CFAP43: variants seen among roughly 807,000 people sequenced by gnomAD.
The protein encoded by CFAP43 is cilia and flagella associated protein 43.
Under a neutral mutation model 218.9 loss-of-function variants are expected in CFAP43, and 155 were observed. That is an observed-to-expected ratio of 0.71 (90% CI 0.62 to 0.81). The LOEUF (loss-of-function observed/expected upper bound fraction) is 0.81. Among genes scored for constraint, CFAP43 ranks in the 30% least tolerant of loss-of-function variants. The pLI is 0.00. For synonymous variants in CFAP43, 645 were observed against 681.3 expected, an observed-to-expected ratio of 0.95 and a Z score of 0.83; for missense variants, 1,778 against 1,954.3, an observed-to-expected ratio of 0.91 and a Z score of 1.70.
In CFAP43 at chr10:104,185,162, A is replaced by G. The variant is rs750071554; in HGVS notation, c.2011-16T>C. ...CAAATGTTTCCTCAATAGTTAAGAA[A>G]TAAACCAGAAAAATTACAAATGCAA... On this transcript the variant is annotated splice_polypyrimidine_tract_variant and intron_variant, in intron 15 of 37. Transcript: ENST00000357060. The G allele has an allele frequency of 2.4e-5, 38 of 1,613,000 alleles. No individual in the cohort carries two copies. Among genetic ancestry groups the G allele is most frequent in the Non-Finnish European group, 3.1e-5 (37 of 1,179,776 alleles).
chr10:104,134,045 C>T (rs1564705679), intron 34 of CFAP43, among the ~76,000 whole-genome samples: 3 of 151,904 alleles, frequency 2.0e-5, no homozygotes, highest in African/African-American at 4.8e-5. Context: ...TAGGCAGGAA[C>T]TTTTTTTTGC....
chr10:104,150,534 G>A (rs1189863398), intron 28 of CFAP43, among the ~76,000 whole-genome samples: 1 of 152,160 alleles, frequency 6.6e-6, no homozygotes, highest in East Asian at 1.9e-4. Context: ...GAATTTAAAT[G>A]TAACCTTTTC....
chr10:104,193,842 C>T (rs1400906502), intron 11 of CFAP43, 24 bp downstream of exon 11: 24 of 1,610,194 alleles, frequency 1.5e-5, no homozygotes, highest in Non-Finnish European at 2.0e-5. Flanking sequence ...CACGGAGCCG[C>T]TCCTGGAGGC....
intron 27 of CFAP43, 121 bp downstream of exon 27, chr10:104,160,916 A>G: frequency 2.0e-6 from 2 of 993,344 alleles, no homozygotes; most frequent in Non-Finnish European, 1.4e-6. Context: ...TCTCTTGAGA[A>G]TTTAAGCTGA....
intron 20 of CFAP43, among the ~76,000 whole-genome samples, chr10:104,171,120 C>T (rs975307341): frequency 7.9e-5 from 12 of 152,196 alleles, no homozygotes; most frequent in Non-Finnish European, 1.6e-4. Context: ...ATCACAGCAT[C>T]CAGTTTGTTT....
chr10:104,183,071 C>G (rs894482125), intron 16 of CFAP43, among the ~76,000 whole-genome samples: 2 of 152,202 alleles, frequency 1.3e-5, no homozygotes, highest in African/African-American at 4.8e-5. Context: ...CAGTGTGCTA[C>G]TTCACACACA....
At chr10:104,150,795 T>G (rs1248085107) in intron 28 of CFAP43, among the ~76,000 whole-genome samples, 1 of 152,164 alleles carries the variant, frequency 6.6e-6, no homozygotes, top group African/African-American at 2.4e-5. Context: ...CTAGGTAAAC[T>G]TGTGTCATGG....
At chr10:104,152,852 G>T in intron 27 of CFAP43, 126 bp from the exon 28 acceptor site, 1 of 977,380 alleles carries the variant, frequency 1.0e-6, no homozygotes, top group Non-Finnish European at 1.5e-6. Context: ...TCTGGGCTCT[G>T]TACTCTCTTA....
intron 33 of CFAP43, among the ~76,000 whole-genome samples, chr10:104,142,043 T>C (rs971215160): frequency 6.6e-6 from 1 of 152,234 alleles, no homozygotes; most frequent in Non-Finnish European, 1.5e-5. Flanking sequence ...AAAACAATAC[T>C]AAGATTTTTC....
At chr10:104,166,164 C>G (rs1417078913) in intron 23 of CFAP43, among the ~76,000 whole-genome samples, 1 of 152,172 alleles carries the variant, frequency 6.6e-6, no homozygotes, top group Non-Finnish European at 1.5e-5. Flanking sequence ...ACCTCCACCT[C>G]CCCAGTTCAA....
At chr10:104,227,328 G>GTA (rs1188698359) in intron 2 of CFAP43, among the ~76,000 whole-genome samples, 4 of 152,186 alleles carry the variant, frequency 2.6e-5, no homozygotes, top group Non-Finnish European at 5.9e-5. Flanking sequence ...CTTGAAGTGA[G>GTA]TATACTGGGT....
At position 104,205,212 on chromosome 10, in the gene CFAP43, C is replaced by CAAA. The variant is rs71022723; in HGVS notation, c.963+748_963+750dup. 4.3e-3 allele frequency among the ~76,000 whole-genome samples: 241 copies of CAAA among 56,432 alleles called. 5 individuals carry two copies. Among genetic ancestry groups the CAAA allele is most frequent in the African/African-American group, 0.012 (175 of 14,736 alleles). 37.0% of individuals were successfully genotyped at this position (56,432 alleles called of 152,430 possible). A position where few individuals can be genotyped will look rare whatever the true frequency, so the allele number is the denominator to read the frequency against. On this transcript the variant is annotated intron_variant, in intron 7 of 37. Coordinates refer to ENST00000357060, the MANE Select transcript of CFAP43 (RefSeq NM_025145.7). ...TGGGAGACAGAGCGAGACTCCGTCT[C>CAAA]AAAAAAAAAAAAAAAAAAAAAAAGA...
At chr10:104,164,400 T>C in intron 23 of CFAP43, 100 bp from the exon 24 acceptor site, 1 of 200,312 alleles carries the variant, frequency 5.0e-6, no homozygotes, top group Non-Finnish European at 7.4e-6. Flanking sequence ...ATTCCACAAA[T>C]TTTTTTTTTT....
intron 33 of CFAP43, 95 bp from the exon 34 acceptor site, chr10:104,141,096 A>G: frequency 7.9e-7 from 1 of 1,273,584 alleles, no homozygotes; most frequent in Non-Finnish European, 1.1e-6. Context: ...CTTAAGGAAA[A>G]CATGCTGGAG....
chr10:104,200,698 A>G (rs889776874), intron 8 of CFAP43, among the ~76,000 whole-genome samples: 4 of 143,926 alleles, frequency 2.8e-5, no homozygotes, highest in African/African-American at 1.1e-4. Context: ...AAAAAAAAAG[A>G]CCCAAAGGAA....
intron 37 of CFAP43, among the ~76,000 whole-genome samples, chr10:104,130,885 G>T (rs191894401): frequency 2.5e-4 from 38 of 151,482 alleles, no homozygotes; most frequent in African/African-American, 8.2e-4. Context: ...GTGGTCCCAG[G>T]CACTTGAGGG....
intron 16 of CFAP43, among the ~76,000 whole-genome samples, chr10:104,184,062 A>AT (rs5787511): frequency 1.3e-5 from 2 of 152,250 alleles, no homozygotes; most frequent in Non-Finnish European, 2.9e-5. Context: ...ACGAAATATT[A>AT]TTTTTTCTAA....
At chr10:104,203,269 AT>A (rs1356616776) in intron 8 of CFAP43, among the ~76,000 whole-genome samples, 2 of 151,970 alleles carry the variant, frequency 1.3e-5, no homozygotes, top group Non-Finnish European at 2.9e-5. Context: ...AGATTCCAAG[AT>A]TTTTTTTCTA....
rs753460058 is a variant in CFAP43 at position 104,218,801 on chromosome 10, G to A, written c.417-4375C>T. The A allele has an allele frequency of 7.3e-6, 4 of 548,338 alleles. No individual in the cohort carries two copies. The East Asian group carries it at 1.4e-4, about 19-fold the overall frequency. The allele number at this position is 548,338 out of a possible 1,614,324, so 34.0% of individuals were successfully genotyped here. On this transcript the variant is annotated intron_variant, in intron 3 of 37. Transcript: ENST00000357060. ...ACCGGTGGTTTAGGGTTCCTCTGCT[G>A]TTCCTAGGGTGTTGCCCTCATCTCT...
Sources: allele counts gnomAD v4.1 joint callset (sites outside exome capture counted in the v4.1 genomes callset), GRCh38; gene constraint gnomAD v4.1.1; transcripts MANE v1.5; gene names NCBI Gene and HGNC (gene_info 2026-07-23, HGNC 2026-07-21).